The following ELF2 variants were observed in gnomAD, a reference collection of about 807,000 sequenced individuals.
ELF2 encodes the protein ETS-related transcription factor Elf-2.
ELF2 carries 11 observed loss-of-function variants against 54.8 expected under a neutral mutation model. The ratio of observed to expected loss-of-function variants is 0.20; its 90% CI spans 0.13 to 0.33. The LOEUF (loss-of-function observed/expected upper bound fraction) is 0.33, where lower values mean the gene tolerates loss of function less well. ELF2 is among the 10% of genes least tolerant of loss of function. The probability of loss-of-function intolerance (pLI) is 1.00; values close to 1 mark genes in which losing one functional copy is unlikely to be tolerated. For missense variants in ELF2, 513 were observed against 703.0 expected (o/e 0.73, Z 3.06); for synonymous variants, 203 against 245.1 (o/e 0.83, Z 1.61).
intron 4 of ELF2, among the ~76,000 whole-genome samples, chr4:139,115,651 T>A (rs1299678655): frequency 6.6e-6 from 1 of 152,174 alleles, no homozygotes; most frequent in African/African-American, 2.4e-5. Flanking sequence ...TTGCAAATCA[T>A]ATTTCATTAA....
At chr4:139,158,611 A>T (rs947647137) in intron 1 of ELF2, among the ~76,000 whole-genome samples, 3 of 152,160 alleles carry the variant, frequency 2.0e-5, no homozygotes, top group African/African-American at 7.2e-5. Context: ...GTCATATAGA[A>T]TGATTGGTGA....
chr4:139,152,885 G>C (rs10001095), intron 1 of ELF2, among the ~76,000 whole-genome samples: 113,500 of 143,298 alleles, frequency 0.79, 45,844 homozygotes, highest in African/African-American at 0.94. Context: ...TAACAATAGT[G>C]TCATACTTTT....
chr4:139,128,000 C>T (rs1344808134), intron 3 of ELF2, among the ~76,000 whole-genome samples: 5 of 150,484 alleles, frequency 3.3e-5, no homozygotes, highest in African/African-American at 7.3e-5. Flanking sequence ...CCAGGTTCAG[C>T]GGCTCACACC....
intron 3 of ELF2, chr4:139,137,204 C>T (rs1738268986): frequency 6.3e-6 from 1 of 157,928 alleles, no homozygotes; most frequent in Non-Finnish European, 1.4e-5. Flanking sequence ...AATGGATCTC[C>T]ACACCGATTT....
At chr4:139,174,240 T>C (rs1269087765) in intron 1 of ELF2, among the ~76,000 whole-genome samples, 3 of 148,034 alleles carry the variant, frequency 2.0e-5, no homozygotes, top group African/African-American at 7.5e-5. Context: ...AGAAAATAGA[T>C]TTTAAAAAAA....
Position 139,067,833 on chromosome 4 carries a change from G to A in ELF2, c.527-63C>T, listed in dbSNP as rs754731201. 4 of 1,454,432 alleles carry A rather than the reference G, an allele frequency of 2.8e-6. No homozygotes were observed. In the Admixed American group the frequency reaches 6.0e-5, roughly 22 times the overall value. The allele number at this position is 1,454,432 out of a possible 1,614,324, so 90.1% of individuals were successfully genotyped here. ...AAGAAAAATATGAGAGGCACGATTA[G>A]CAGACTTTCTGATTACACATTATTC... On this transcript the variant is annotated intron_variant, in intron 6 of 9. Transcript: ENST00000686138.
chr4:139,072,632 A>C (rs1421508387), intron 5 of ELF2, among the ~76,000 whole-genome samples: 2 of 152,242 alleles, frequency 1.3e-5, no homozygotes, highest in African/African-American at 4.8e-5. Flanking sequence ...CAGTAGGTAC[A>C]AATTGTTATC....
chr4:139,157,721 T>G (rs1379415995), intron 1 of ELF2, among the ~76,000 whole-genome samples: 1 of 152,218 alleles, frequency 6.6e-6, no homozygotes, highest in Non-Finnish European at 1.5e-5. Context: ...GATATTTTGA[T>G]GCTTCCTTTA....
At chr4:139,162,737 A>G (rs947709109) in intron 1 of ELF2, among the ~76,000 whole-genome samples, 2 of 152,206 alleles carry the variant, frequency 1.3e-5, no homozygotes, top group African/African-American at 4.8e-5. Flanking sequence ...TAAATCTTAT[A>G]GAAAGACTGA....
At chr4:139,164,628 C>T (rs1053359248) in intron 1 of ELF2, among the ~76,000 whole-genome samples, 2 of 152,158 alleles carry the variant, frequency 1.3e-5, no homozygotes, top group Admixed American at 1.3e-4. Context: ...CAGAATGAGA[C>T]CCTGGCTCAA....
At chr4:139,081,741 G>A (rs1178068465) in intron 4 of ELF2, among the ~76,000 whole-genome samples, 1 of 152,106 alleles carries the variant, frequency 6.6e-6, no homozygotes, top group Non-Finnish European at 1.5e-5. Flanking sequence ...CTAATCTTCT[G>A]GGCCATCTTT....
chr4:139,107,355 C>T (rs1734517387), intron 4 of ELF2, among the ~76,000 whole-genome samples: 1 of 152,160 alleles, frequency 6.6e-6, no homozygotes, highest in South Asian at 2.1e-4. Context: ...CCACTACTAC[C>T]ACCTCCTTGA....
chr4:139,151,191 T>C (rs1486463641), intron 1 of ELF2, among the ~76,000 whole-genome samples: 2 of 151,808 alleles, frequency 1.3e-5, no homozygotes, highest in Admixed American at 6.6e-5. Context: ...CAAAATAAAT[T>C]ACAGATACAG....
At chr4:139,128,237 T>C (rs1737131039) in intron 3 of ELF2, among the ~76,000 whole-genome samples, 1 of 152,032 alleles carries the variant, frequency 6.6e-6, no homozygotes. Context: ...ATCATGCCTT[T>C]GCACTCCAGC....
chr4:139,121,872 C>A (rs1200530466), intron 4 of ELF2, among the ~76,000 whole-genome samples: 2 of 152,134 alleles, frequency 1.3e-5, no homozygotes, highest in Non-Finnish European at 2.9e-5. Context: ...TTACACATAA[C>A]CTCTGTGAGG....
chr4:139,123,473 C>T (rs1190285020), intron 4 of ELF2, among the ~76,000 whole-genome samples: 1 of 151,966 alleles, frequency 6.6e-6, no homozygotes, highest in Non-Finnish European at 1.5e-5. Flanking sequence ...AAATAAAATC[C>T]CTTAAGTAGA....
At chr4:139,059,669 T>A (rs1383424287) in intron 9 of ELF2, 62 bp from the exon 10 acceptor site, 1 of 1,540,068 alleles carries the variant, frequency 6.5e-7, no homozygotes, top group Non-Finnish European at 8.7e-7. Flanking sequence ...ATAGGTCTCC[T>A]GAGTAAAAGA....
intron 7 of ELF2, among the ~76,000 whole-genome samples, chr4:139,064,287 C>G (rs1728346996): frequency 6.6e-6 from 1 of 152,130 alleles, no homozygotes; most frequent in Non-Finnish European, 1.5e-5. Flanking sequence ...CACCGCACTG[C>G]CTGAGCGACA....
intron 1 of ELF2, among the ~76,000 whole-genome samples, chr4:139,148,806 C>T (rs1739541066): frequency 6.6e-6 from 1 of 152,142 alleles, no homozygotes; most frequent in African/African-American, 2.4e-5. Flanking sequence ...GAGGAAATGA[C>T]AAGCTTTTCC....
Sources: gnomAD v4.1 joint callset for allele counts (sites outside exome capture counted in the v4.1 genomes callset) on GRCh38, gnomAD v4.1.1 for gene constraint, MANE v1.5 for transcripts, NCBI Gene and HGNC (gene_info 2026-07-23, HGNC 2026-07-21) for gene names.